Variants in HS6ST3 observed in about 807,000 individuals in gnomAD.
HS6ST3 encodes the protein heparan sulfate 6-O-sulfotransferase 3, also known as heparan-sulfate 6-O-sulfotransferase 3.
HS6ST3 carries 12 observed loss-of-function variants against 36.7 expected under a neutral mutation model. The ratio of observed to expected loss-of-function variants is 0.33; its 90% CI spans 0.21 to 0.53. The LOEUF is 0.53. Ranked by LOEUF, HS6ST3 falls within the 20% of genes least tolerant of loss-of-function variation. The pLI is 0.95. For missense variants in HS6ST3, 584 were observed against 640.9 expected (o/e 0.91, Z 0.96); for synonymous variants, 240 against 257.5 (o/e 0.93, Z 0.65).
At chr13:96,662,313 A>T (rs951806214) in intron 1 of HS6ST3, among the ~76,000 whole-genome samples, 3 of 151,900 alleles carry the variant, frequency 2.0e-5, no homozygotes, top group Non-Finnish European at 4.4e-5. Flanking sequence ...CTATTTTTTT[A>T]TTCAATTTCC....
chr13:96,339,113 C>G (rs61966937), intron 1 of HS6ST3, among the ~76,000 whole-genome samples: 12,698 of 152,042 alleles, frequency 0.084, 580 homozygotes, highest in Middle Eastern at 0.12. Context: ...CTCCATGAAG[C>G]CTTTGGTGAT....
chr13:96,584,622 G>C (rs1020052234), intron 1 of HS6ST3, among the ~76,000 whole-genome samples: 1 of 152,156 alleles, frequency 6.6e-6, no homozygotes, highest in African/African-American at 2.4e-5. Flanking sequence ...CATGTCCCAG[G>C]TACTGTTAGG....
chr13:96,397,429 A>T (rs1483833944), intron 1 of HS6ST3, among the ~76,000 whole-genome samples: 1 of 152,032 alleles, frequency 6.6e-6, no homozygotes, highest in Admixed American at 6.6e-5. Flanking sequence ...AATACTTTAC[A>T]TTTTCACAAA....
chr13:96,505,340 C>A (rs759690708), intron 1 of HS6ST3, among the ~76,000 whole-genome samples: 1 of 152,154 alleles, frequency 6.6e-6, no homozygotes, highest in Non-Finnish European at 1.5e-5. Context: ...ATAGAATGTT[C>A]TCCCCACATT....
intron 1 of HS6ST3, among the ~76,000 whole-genome samples, chr13:96,248,936 T>G (rs894298076): frequency 6.6e-6 from 1 of 152,242 alleles, no homozygotes; most frequent in African/African-American, 2.4e-5. Context: ...GTGTAATTGA[T>G]GTGGCCACCT....
intron 1 of HS6ST3, among the ~76,000 whole-genome samples, chr13:96,137,724 C>T (rs1421531967): frequency 3.3e-5 from 5 of 152,174 alleles, no homozygotes; most frequent in East Asian, 1.9e-4. Context: ...GCCTTTCTGC[C>T]GCCGTGGGCC....
At chr13:96,172,831 A>G (rs1390265826) in intron 1 of HS6ST3, among the ~76,000 whole-genome samples, 1 of 152,216 alleles carries the variant, frequency 6.6e-6, no homozygotes, top group African/African-American at 2.4e-5. Context: ...AAAAGTATTA[A>G]TGTAATAGAC....
At chr13:96,198,976 A>G (rs1286850147) in intron 1 of HS6ST3, among the ~76,000 whole-genome samples, 1 of 152,218 alleles carries the variant, frequency 6.6e-6, no homozygotes, top group Non-Finnish European at 1.5e-5. Flanking sequence ...AAGAGGTTTA[A>G]TTAGATTTAC....
chr13:96,123,647 T>G (rs2053937002), intron 1 of HS6ST3, among the ~76,000 whole-genome samples: 1 of 152,192 alleles, frequency 6.6e-6, no homozygotes, highest in Non-Finnish European at 1.5e-5. Flanking sequence ...GGAAAACCAT[T>G]CCCAGAAGTC....
intron 1 of HS6ST3, among the ~76,000 whole-genome samples, chr13:96,553,501 C>A (rs374088507): frequency 7.4e-4 from 112 of 152,246 alleles, no homozygotes; most frequent in African/African-American, 2.6e-3. Context: ...CTTGGAGGAA[C>A]CCTTCCTTGA....
At chr13:96,192,249 C>G (rs913924136) in intron 1 of HS6ST3, among the ~76,000 whole-genome samples, 1 of 152,122 alleles carries the variant, frequency 6.6e-6, no homozygotes, top group Non-Finnish European at 1.5e-5. Context: ...TGAATATTTT[C>G]AAGATATATG....
rs954216197 is a variant in HS6ST3, at chr13:96,264,137, AT to A, written c.707+172578del. Reference sequence around the variant, plus strand: ...CCTGGAAAACAAACTCATGCCTATGATTTTTTTTTTCTGTTTTAATCTCAGA... The same window carrying A: ...CCTGGAAAACAAACTCATGCCTATGATTTTTTTTTCTGTTTTAATCTCAGA... On this transcript the variant is annotated intron_variant, in intron 1 of 1. Coordinates refer to ENST00000376705, the MANE Select transcript of HS6ST3 (RefSeq NM_153456.4). Among the ~76,000 whole-genome samples the A allele has an allele frequency of 1.1e-4, 16 of 150,854 alleles. No individual in the cohort carries two copies. In the South Asian group the frequency reaches 1.3e-3, roughly 12 times the overall value.
intron 1 of HS6ST3, among the ~76,000 whole-genome samples, chr13:96,747,697 G>C (rs866690012): frequency 6.6e-6 from 1 of 151,940 alleles, no homozygotes; most frequent in Non-Finnish European, 1.5e-5. Context: ...ACTAATAAAA[G>C]TGAGGATATT....
chr13:96,361,641 A>C (rs1401820953), intron 1 of HS6ST3, among the ~76,000 whole-genome samples: 4 of 152,180 alleles, frequency 2.6e-5, no homozygotes, highest in Non-Finnish European at 1.5e-5. Context: ...TTAAGATCTG[A>C]GTGCCAAGAC....
chr13:96,542,452 T>G (rs2056182006), intron 1 of HS6ST3, among the ~76,000 whole-genome samples: 1 of 152,138 alleles, frequency 6.6e-6, no homozygotes, highest in African/African-American at 2.4e-5. Context: ...TGTAATTACA[T>G]AAATACATAA....
At chr13:96,223,657 G>T (rs564100746) in intron 1 of HS6ST3, among the ~76,000 whole-genome samples, 10 of 152,134 alleles carry the variant, frequency 6.6e-5, no homozygotes, top group East Asian at 3.9e-4. Context: ...TGGATATGGG[G>T]GGGGGGAAGT....
rs56867063 is a variant in HS6ST3, at chr13:96,790,270, TACACACACACAC to T, written c.708-42193_708-42182del. Among the ~76,000 whole-genome samples the T allele has an allele frequency of 8.6e-4, 124 of 144,440 alleles. No homozygotes were observed. In the South Asian group the frequency reaches 0.015, roughly 17 times the overall value. The allele number at this position is 144,440 out of a possible 152,430, so 94.8% of individuals were successfully genotyped here. A position where few individuals can be genotyped will look rare whatever the true frequency, so the allele number is the denominator to read the frequency against. ...CCAATCTGCTGATAAAACACACATG[TACACACACACAC>T]ACACACACACACACACACACACACA... On this transcript the variant is annotated intron_variant, in intron 1 of 1. Coordinates refer to ENST00000376705, the MANE Select transcript of HS6ST3 (RefSeq NM_153456.4).
intron 1 of HS6ST3, among the ~76,000 whole-genome samples, chr13:96,608,194 G>T (rs889090659): frequency 6.6e-6 from 1 of 152,158 alleles, no homozygotes; most frequent in African/African-American, 2.4e-5. Flanking sequence ...CAATAAAGGG[G>T]AAATATATAA....
intron 1 of HS6ST3, among the ~76,000 whole-genome samples, chr13:96,584,582 A>C (rs1163610923): frequency 6.6e-6 from 1 of 152,240 alleles, no homozygotes; most frequent in Admixed American, 6.5e-5. Context: ...TATTGAATGC[A>C]TGCCAAATAA....
Sources: allele counts gnomAD v4.1 joint callset (sites outside exome capture counted in the v4.1 genomes callset), GRCh38; gene constraint gnomAD v4.1.1; transcripts MANE v1.5; gene names NCBI Gene and HGNC (gene_info 2026-07-23, HGNC 2026-07-21).